Variants in ATG12 observed in about 807,000 individuals in gnomAD.
ATG12 encodes the protein autophagy related 12.
A neutral mutation model predicts 17.6 loss-of-function variants in ATG12; 19 were observed. That is an observed-to-expected ratio of 1.08 (90% CI 0.75 to 1.58). ATG12 has a LOEUF of 1.58. ATG12 is among the 40% of genes most tolerant of loss of function. ATG12 has a pLI of 0.00. For synonymous variants in ATG12, 75 were observed against 62.4 expected (o/e 1.20, Z -0.95); for missense variants, 214 against 162.0 (o/e 1.32, Z -1.74).
chr5:115,835,446 T>A (rs769729651), intron 2 of ATG12, among the ~76,000 whole-genome samples: 1 of 152,200 alleles, frequency 6.6e-6, no homozygotes, highest in African/African-American at 2.4e-5. Context: ...TTCAAAACGA[T>A]GGAGGCCTGC....
At chr5:115,839,992 A>G (rs1761280071) in intron 1 of ATG12, among the ~76,000 whole-genome samples, 1 of 152,224 alleles carries the variant, frequency 6.6e-6, no homozygotes, top group Non-Finnish European at 1.5e-5. Context: ...CATTTTTTTT[A>G]GCTTTTGTTT....
chr5:115,828,430 T>C lies in ATG12; in HGVS notation c.*3374A>G, dbSNP rs1490049507. 6.6e-6 allele frequency: 1 copy of C among 152,244 alleles called. No homozygotes were observed. Among genetic ancestry groups the C allele is most frequent in the Non-Finnish European group, 1.5e-5 (1 of 68,024 alleles). The allele number at this position is 152,244 out of a possible 1,614,324, so 9.4% of individuals were successfully genotyped here. Reference sequence around the variant, plus strand: ...AATAGCAAGATGTACATTATTTTTATTGTCAGTCAGCATTGTTTTTATTTG... The same window carrying C: ...AATAGCAAGATGTACATTATTTTTACTGTCAGTCAGCATTGTTTTTATTTG... On this transcript the variant is annotated 3_prime_UTR_variant, in exon 4 of 4. Coordinates refer to ENST00000509910, the MANE Select transcript of ATG12 (RefSeq NM_004707.4).
chr5:115,834,176 CAA>C (rs1289575144), intron 2 of ATG12: 3 of 152,118 alleles, frequency 2.0e-5, no homozygotes. Flanking sequence ...GCAAAGGAGA[CAA>C]AGAGTAAGAT....
At chr5:115,832,885 G>C (rs915223871) in intron 2 of ATG12, 2 of 406,504 alleles carry the variant, frequency 4.9e-6, no homozygotes. Flanking sequence ...TCCTAGAACA[G>C]TGGTTCCTAA....
At chr5:115,835,292 T>A (rs1035572160) in intron 2 of ATG12, 1 of 152,216 alleles carries the variant, frequency 6.6e-6, no homozygotes, top group Admixed American at 6.5e-5. Flanking sequence ...ATCTCGTTTT[T>A]CTTGTAACAC....
At chr5:115,838,278 A>C (rs1257750143) in intron 1 of ATG12, 4 of 152,252 alleles carry the variant, frequency 2.6e-5, no homozygotes, top group Non-Finnish European at 5.9e-5. Context: ...TCACTTAAAA[A>C]GATTTCACCT....
rs1761171596 is a variant in ATG12, at chr5:115,837,883, C to A, written c.164-119G>T. ...ACATCCATCTTACGTATTTATGATA[C>A]TGAAGATATGTGAGAGATGTAAAAA... is the stretch of plus-strand genomic sequence containing the variant. On this transcript the variant is annotated intron_variant, in intron 1 of 3. Coordinates refer to ENST00000509910, the MANE Select transcript of ATG12 (RefSeq NM_004707.4). 4.9e-6 allele frequency: 4 copies of A among 809,316 alleles called. No individual in the cohort carries two copies. In the East Asian group the frequency reaches 1.3e-4, roughly 25 times the overall value. 50.1% of individuals were successfully genotyped at this position (809,316 alleles called of 1,614,324 possible).
intron 2 of ATG12, among the ~76,000 whole-genome samples, chr5:115,835,778 C>A (rs572923861): frequency 6.6e-6 from 1 of 152,186 alleles, no homozygotes; most frequent in Non-Finnish European, 1.5e-5. Flanking sequence ...CAGATGCCAA[C>A]CCTGTTTCTT....
In ATG12 at chr5:115,828,237, T is replaced by C. The variant is rs1412322002; in HGVS notation, c.*3567A>G. ...GAGCTTTATTAGTGTTATTCCAATATTTAGGACATAGTAGGCACTCAATAT... is the reference window on the plus strand; with the variant it reads ...GAGCTTTATTAGTGTTATTCCAATACTTAGGACATAGTAGGCACTCAATAT... On this transcript the variant is annotated 3_prime_UTR_variant, in exon 4 of 4. Transcript: ENST00000509910. The C allele has an allele frequency of 6.6e-6, 1 of 152,184 alleles. No homozygotes were observed. Among genetic ancestry groups the C allele is most frequent in the African/African-American group, 2.4e-5 (1 of 41,448 alleles). 9.4% of individuals were successfully genotyped at this position (152,184 alleles called of 1,614,324 possible). A position where few individuals can be genotyped will look rare whatever the true frequency, so the allele number is the denominator to read the frequency against.
chr5:115,832,599 T>TTAAAAAAA lies in ATG12; in HGVS notation c.363+2_363+3insTTTTTTTA. On this transcript the variant is annotated splice_region_variant and intron_variant, in intron 3 of 3. Coordinates refer to ENST00000509910, the MANE Select transcript of ATG12 (RefSeq NM_004707.4). ...TTTTTTTTTTTTTTTTTTTTTTTTT[T>TTAAAAAAA]ACCTCATAGAGAGTTCCAACTTCTT... 1 of 952,610 alleles carries TTAAAAAAA rather than the reference T, an allele frequency of 1.0e-6. No individual in the cohort carries two copies. Among genetic ancestry groups the TTAAAAAAA allele is most frequent in the Non-Finnish European group, 1.5e-6 (1 of 670,410 alleles). 59.0% of individuals were successfully genotyped at this position (952,610 alleles called of 1,614,324 possible). A position where few individuals can be genotyped will look rare whatever the true frequency, so the allele number is the denominator to read the frequency against.
chr5:115,836,349 C>G (rs1033437018), intron 2 of ATG12, among the ~76,000 whole-genome samples: 1 of 152,148 alleles, frequency 6.6e-6, no homozygotes, highest in Non-Finnish European at 1.5e-5. Context: ...CTTAAATCTC[C>G]ATGTATTTCT....
At chr5:115,832,168 G>T (rs1258203197) in intron 3 of ATG12, among the ~76,000 whole-genome samples, 1 of 151,446 alleles carries the variant, frequency 6.6e-6, no homozygotes, top group Admixed American at 6.6e-5. Context: ...AGTGGTGCTA[G>T]TATGTGTACT....
intron 2 of ATG12, 100 bp from the exon 3 acceptor site, chr5:115,832,764 A>C: frequency 8.6e-7 from 1 of 1,167,818 alleles, no homozygotes; most frequent in Non-Finnish European, 1.2e-6. Context: ...TTGTTTTCAC[A>C]ATTGAAGAAA....
chr5:115,841,068 A>T (rs768318847), intron 1 of ATG12: 99 of 403,556 alleles, frequency 2.5e-4, no homozygotes, highest in Non-Finnish European at 3.7e-4. Context: ...ACCTGGAATT[A>T]CCGAGACCCC....
Position 115,832,582 on chromosome 5 carries a change from T to G in ATG12, c.363+20A>C. 1.4e-6 allele frequency: 2 copies of G among 1,400,170 alleles called. No homozygotes were observed. The highest frequency in any genetic ancestry group is 1.9e-6 in the Non-Finnish European group (2 of 1,079,816). 86.7% of individuals were successfully genotyped at this position (1,400,170 alleles called of 1,614,324 possible). Reference sequence around the variant, plus strand: ...GCAGTAATTTCTTTCTTTTTTTTTTTTTTTTTTTTTTTTTTTTACCTCATA... The same window carrying G: ...GCAGTAATTTCTTTCTTTTTTTTTTGTTTTTTTTTTTTTTTTTACCTCATA... On this transcript the variant is annotated intron_variant, in intron 3 of 3. Transcript: ENST00000509910.
chr5:115,837,123 G>C (rs1346452489), intron 2 of ATG12, among the ~76,000 whole-genome samples: 1 of 152,150 alleles, frequency 6.6e-6, no homozygotes. Context: ...GTGACTTTCT[G>C]AGGAAAACAA....
At chr5:115,836,612 A>G (rs546672867) in intron 2 of ATG12, among the ~76,000 whole-genome samples, 1 of 152,264 alleles carries the variant, frequency 6.6e-6, no homozygotes, top group East Asian at 1.9e-4. Context: ...TTACCCATGC[A>G]CACGCCTGTG....
At chr5:115,841,262 C>T (rs763367843) in intron 1 of ATG12, 128 bp downstream of exon 1, 24 of 1,247,776 alleles carry the variant, frequency 1.9e-5, no homozygotes, top group Middle Eastern at 2.7e-4. Flanking sequence ...TTCTTTTCTT[C>T]TGATGACTGG....
At chr5:115,832,513 A>C in intron 3 of ATG12, 89 bp downstream of exon 3, 1 of 1,350,398 alleles carries the variant, frequency 7.4e-7, no homozygotes, top group Non-Finnish European at 9.7e-7. Flanking sequence ...ATACTACACA[A>C]TATACATATT....
Sources: allele counts gnomAD v4.1 joint callset (sites outside exome capture counted in the v4.1 genomes callset), GRCh38; gene constraint gnomAD v4.1.1; transcripts MANE v1.5; gene names NCBI Gene and HGNC (gene_info 2026-07-23, HGNC 2026-07-21).